Variants in PLS1 observed in about 807,000 individuals in gnomAD.
PLS1 encodes the protein plastin 1.
In PLS1, 32 loss-of-function variants were observed where a neutral mutation model predicts 73.7. That is an observed-to-expected ratio of 0.43 (90% confidence interval 0.33 to 0.58). The LOEUF is 0.58. PLS1 is among the 20% of genes least tolerant of loss of function. The pLI is 0.04. For missense variants in PLS1, 633 were observed against 740.5 expected (o/e 0.85, Z 1.68); for synonymous variants, 217 against 261.3 (o/e 0.83, Z 1.63).
chr3:142,709,286 G>A (rs1932994202), intron 14 of PLS1, among the ~76,000 whole-genome samples: 2 of 152,278 alleles, frequency 1.3e-5, no homozygotes, highest in South Asian at 4.2e-4. Flanking sequence ...TTTCATGTAG[G>A]TGGTCTGCAG....
At chr3:142,680,012 A>G (rs2037814961) in intron 6 of PLS1, among the ~76,000 whole-genome samples, 2 of 152,042 alleles carry the variant, frequency 1.3e-5, no homozygotes, top group Admixed American at 6.6e-5. Flanking sequence ...TTGGATTCCT[A>G]GGTATTTTAT....
At chr3:142,600,916 A>ATATT (rs1560024585) in intron 1 of PLS1, among the ~76,000 whole-genome samples, 3 of 14,836 alleles carry the variant, frequency 2.0e-4, no homozygotes, top group Non-Finnish European at 3.3e-4. Context: ...ATATATATAT[A>ATATT]TTTTTTTTTT....
chr3:142,608,983 G>A (rs2036072563), intron 1 of PLS1, among the ~76,000 whole-genome samples: 1 of 152,204 alleles, frequency 6.6e-6, no homozygotes, highest in Non-Finnish European at 1.5e-5. Flanking sequence ...ATAAGTGAGT[G>A]TCAGAGAGGA....
intron 1 of PLS1, among the ~76,000 whole-genome samples, chr3:142,613,929 T>G (rs370594095): frequency 2.6e-5 from 4 of 152,326 alleles, no homozygotes; most frequent in East Asian, 1.9e-4. Flanking sequence ...TATGTATAAT[T>G]AAAAATTAGT....
At chr3:142,702,000 A>C (rs2038341771) in intron 12 of PLS1, among the ~76,000 whole-genome samples, 1 of 152,268 alleles carries the variant, frequency 6.6e-6, no homozygotes, top group Non-Finnish European at 1.5e-5. Flanking sequence ...TAAGCCTATA[A>C]TATGATTCCA....
intron 1 of PLS1, among the ~76,000 whole-genome samples, chr3:142,642,926 G>T (rs1402370521): frequency 6.6e-6 from 1 of 152,036 alleles, no homozygotes; most frequent in African/African-American, 2.4e-5. Flanking sequence ...CCTGGGCTCA[G>T]GTGATCTGCC....
chr3:142,697,994 T>A lies in PLS1; in HGVS notation c.1298T>A (p.Met433Lys). Residue 433 changes from methionine to lysine, a missense_variant, in exon 12 of 16, where the codon ATG (methionine) becomes AAG (lysine). Met to Lys is a moderately conservative substitution (Grantham distance 95). Coordinates refer to ENST00000457734, the MANE Select transcript of PLS1 (RefSeq NM_001145319.2). ...TTAGTGATCTTTCAGCTCTATGAGA[T>A]GATCCGAGTGCCAGTCAACTGGAGC... is the stretch of plus-strand genomic sequence containing the variant. ...DALVIFQLYEMIRVPVNWSHV... is the reference protein window; with the variant it reads ...DALVIFQLYEKIRVPVNWSHV... The A allele has an allele frequency of 6.2e-7, 1 of 1,613,708 alleles. No homozygotes were observed. Among genetic ancestry groups the A allele is most frequent in the Non-Finnish European group, 8.5e-7 (1 of 1,179,610 alleles).
At chr3:142,616,185 G>C (rs1051989874) in intron 1 of PLS1, among the ~76,000 whole-genome samples, 2 of 152,150 alleles carry the variant, frequency 1.3e-5, no homozygotes, top group African/African-American at 4.8e-5. Flanking sequence ...AAAGATAAAG[G>C]TTTCCCTCAA....
At chr3:142,679,948 A>C (rs953491060) in intron 6 of PLS1, among the ~76,000 whole-genome samples, 8 of 151,754 alleles carry the variant, frequency 5.3e-5, no homozygotes, top group South Asian at 2.1e-4. Flanking sequence ...CTTTTATTTC[A>C]TTGAGCAGTG....
intron 2 of PLS1, 61 bp from the exon 3 acceptor site, chr3:142,669,329 C>A: frequency 1.1e-6 from 1 of 936,088 alleles, no homozygotes; most frequent in Non-Finnish European, 1.6e-6. Flanking sequence ...TCCCAAAAGG[C>A]ATCCTTATTG....
chr3:142,606,603 C>T (rs1418094217), intron 1 of PLS1, among the ~76,000 whole-genome samples: 2 of 152,176 alleles, frequency 1.3e-5, no homozygotes, highest in African/African-American at 4.8e-5. Context: ...CTACTACCTC[C>T]TCCCCAGCTG....
In PLS1 at chr3:142,623,413, CA is replaced by C. The variant is rs1423901920; in HGVS notation, c.-37+26905del. On this transcript the variant is annotated intron_variant, in intron 1 of 15. Transcript: ENST00000457734. ...CAAGATTAATATCTGTAGTAATAGG[CA>C]GAACACTTCAGTGTGGAATTGCTTC... 3 of 152,290 alleles carry C rather than the reference CA, an allele frequency of 2.0e-5. No homozygotes were observed. The East Asian group carries it at 5.8e-4, about 29-fold the overall frequency. 9.4% of individuals were successfully genotyped at this position (152,290 alleles called of 1,614,324 possible). A position where few individuals can be genotyped will look rare whatever the true frequency, so the allele number is the denominator to read the frequency against.
intron 14 of PLS1, among the ~76,000 whole-genome samples, chr3:142,709,667 A>G (rs1263846946): frequency 6.6e-6 from 1 of 151,996 alleles, no homozygotes; most frequent in Non-Finnish European, 1.5e-5. Context: ...ATACAAAAAT[A>G]TCAGCCGGGT....
chr3:142,682,070 G>A (rs747305062), intron 6 of PLS1, among the ~76,000 whole-genome samples: 4 of 152,118 alleles, frequency 2.6e-5, no homozygotes, highest in Non-Finnish European at 5.9e-5. Context: ...GTGTCTTGGT[G>A]CTGGGAAAGT....
intron 1 of PLS1, among the ~76,000 whole-genome samples, chr3:142,607,279 C>CATAT (rs56864786): frequency 1.3e-3 from 193 of 151,502 alleles, no homozygotes; most frequent in African/African-American, 4.0e-3. Context: ...CTATTATTAA[C>CATAT]ATATATATAT....
intron 1 of PLS1, among the ~76,000 whole-genome samples, chr3:142,622,109 A>G (rs949605141): frequency 7.0e-6 from 1 of 143,018 alleles, no homozygotes; most frequent in African/African-American, 2.8e-5. Context: ...ATATTTCCTT[A>G]CATTCGTGCA....
chr3:142,597,291 G>A (rs2035831472), intron 1 of PLS1: 1 of 152,112 alleles, frequency 6.6e-6, no homozygotes, highest in Admixed American at 6.5e-5. Flanking sequence ...TAAATTTCTT[G>A]AAGAACCTGT....
intron 5 of PLS1, among the ~76,000 whole-genome samples, chr3:142,677,779 T>G (rs2037752715): frequency 1.3e-5 from 2 of 152,218 alleles, no homozygotes; most frequent in African/African-American, 4.8e-5. Flanking sequence ...GCATGAATTA[T>G]AGTTTAATTA....
chr3:142,683,936 A>G (rs1442845010), intron 6 of PLS1, 70 bp from the exon 7 acceptor site: 2 of 1,127,156 alleles, frequency 1.8e-6, no homozygotes, highest in Admixed American at 2.4e-5. Flanking sequence ...ATTGTTTCTT[A>G]TAGATAATTT....
Sources: gnomAD v4.1 joint callset for allele counts (sites outside exome capture counted in the v4.1 genomes callset) on GRCh38, gnomAD v4.1.1 for gene constraint, MANE v1.5 for transcripts, NCBI Gene and HGNC (gene_info 2026-07-23, HGNC 2026-07-21) for gene names.